CAMTA1: variants seen among roughly 807,000 people sequenced by gnomAD.
CAMTA1 encodes calmodulin-binding transcription activator 1.
CAMTA1 carries 27 observed loss-of-function variants against 170.9 expected under a neutral mutation model. The ratio of observed to expected loss-of-function variants is 0.16; its 90% CI spans 0.12 to 0.22. CAMTA1 has a LOEUF of 0.22. Among genes scored for constraint, CAMTA1 ranks in the 10% least tolerant of loss-of-function variants. CAMTA1 has a pLI of 1.00. For missense variants in CAMTA1, 1,619 were observed against 2,217.2 expected, an observed-to-expected ratio of 0.73 and a Z score of 5.42; for synonymous variants, 833 against 891.5, an observed-to-expected ratio of 0.93 and a Z score of 1.17.
rs868642403 is a variant in CAMTA1, at chr1:7,310,684, C to T, written c.438+61058C>T. On this transcript the variant is annotated intron_variant, in intron 5 of 22. Transcript: ENST00000303635. The stretch of plus-strand genomic sequence containing the variant: ...CTTTCTTTCTTTCCTTTCTTTCTCT[C>T]TCTCTCTCTCTCTCTCTCTTTCTTT... Among the ~76,000 whole-genome samples the T allele has an allele frequency of 4.3e-3, 170 of 39,126 alleles. 10 individuals carry two copies. Among genetic ancestry groups the T allele is most frequent in the African/African-American group, 0.013 (80 of 6,278 alleles). The allele number at this position is 39,126 out of a possible 152,430, so 25.7% of individuals were successfully genotyped here.
rs889875577 is a variant in CAMTA1, at chr1:6,804,176, CTTTTTTT to C, written c.46-15990_46-15984del. Among the ~76,000 whole-genome samples, 21 of 116,470 alleles carry C rather than the reference CTTTTTTT, an allele frequency of 1.8e-4. 1 individual carries two copies. The highest frequency in any genetic ancestry group is 4.5e-3 in the Middle Eastern group (1 of 224). 76.4% of individuals were successfully genotyped at this position (116,470 alleles called of 152,430 possible). On this transcript the variant is annotated intron_variant, in intron 1 of 22. Coordinates refer to ENST00000303635, the MANE Select transcript of CAMTA1 (RefSeq NM_015215.4). ...TCCAGCCTGGGAAACGAGCGAAACT[CTTTTTTT>C]TTTTTTTTTTTTTTGGTAAAGACAG...
At chr1:7,545,279 C>A (rs906419246) in intron 6 of CAMTA1, among the ~76,000 whole-genome samples, 5 of 152,130 alleles carry the variant, frequency 3.3e-5, no homozygotes, top group Admixed American at 3.3e-4. Flanking sequence ...GCCTGATGTC[C>A]CATCACCCCC....
intron 16 of CAMTA1, among the ~76,000 whole-genome samples, chr1:7,742,142 T>C (rs1352379990): frequency 2.0e-5 from 3 of 151,536 alleles, no homozygotes; most frequent in African/African-American, 7.3e-5. Context: ...CATATATATA[T>C]ACATACAGTT....
chr1:6,876,417 A>G (rs961211912), intron 3 of CAMTA1, among the ~76,000 whole-genome samples: 10 of 150,136 alleles, frequency 6.7e-5, no homozygotes, highest in African/African-American at 2.2e-4. Flanking sequence ...GCTGGAGTGC[A>G]ATGGTGTGAT....
intron 3 of CAMTA1, among the ~76,000 whole-genome samples, chr1:7,042,401 G>A (rs1255236543): frequency 6.6e-6 from 1 of 152,068 alleles, no homozygotes; most frequent in Non-Finnish European, 1.5e-5. Flanking sequence ...GATTCCAGTG[G>A]GGGGAAAGGA....
intron 5 of CAMTA1, among the ~76,000 whole-genome samples, chr1:7,406,001 G>A (rs2149230789): frequency 6.6e-6 from 1 of 152,316 alleles, no homozygotes; most frequent in Admixed American, 6.5e-5. Flanking sequence ...TCGGGCCCCG[G>A]CACTGCAGTG....
At chr1:7,465,921 GAA>G (rs1015290854) in intron 5 of CAMTA1, among the ~76,000 whole-genome samples, 1 of 152,222 alleles carries the variant, frequency 6.6e-6, no homozygotes, top group African/African-American at 2.4e-5. Context: ...GGTGAAGAGG[GAA>G]AGTCATTGCA....
chr1:7,411,439 T>C (rs1281969316), intron 5 of CAMTA1, among the ~76,000 whole-genome samples: 2 of 144,662 alleles, frequency 1.4e-5, no homozygotes, highest in African/African-American at 2.6e-5. Context: ...CTCAGGAGGC[T>C]GAGGCAGGAG....
chr1:7,256,043 C>T (rs1320851445), intron 5 of CAMTA1, among the ~76,000 whole-genome samples: 3 of 152,094 alleles, frequency 2.0e-5, no homozygotes, highest in Admixed American at 2.0e-4. Flanking sequence ...GGCTTTTCAT[C>T]ATCTGAATTT....
chr1:7,620,204 C>G (rs2095588095), intron 6 of CAMTA1, among the ~76,000 whole-genome samples: 1 of 152,188 alleles, frequency 6.6e-6, no homozygotes, highest in Non-Finnish European at 1.5e-5. Flanking sequence ...TTTTACTCCC[C>G]AAGGACATTT....
At chr1:7,073,635 G>T (rs923044348) in intron 3 of CAMTA1, among the ~76,000 whole-genome samples, 1 of 152,214 alleles carries the variant, frequency 6.6e-6, no homozygotes, top group Admixed American at 6.5e-5. Flanking sequence ...GTTTCAATGA[G>T]GAGAGAGGGT....
intron 6 of CAMTA1, among the ~76,000 whole-genome samples, chr1:7,505,634 G>A (rs1240031382): frequency 6.6e-6 from 1 of 152,156 alleles, no homozygotes; most frequent in East Asian, 1.9e-4. Flanking sequence ...TCAGGTGGGG[G>A]GACCAGGCCA....
chr1:6,940,811 G>A (rs114193593), intron 3 of CAMTA1, among the ~76,000 whole-genome samples: 1 of 100,676 alleles, frequency 9.9e-6, no homozygotes, highest in African/African-American at 3.7e-5. Flanking sequence ...CTTCCTCACC[G>A]ACACCCACCT....
chr1:7,569,021 TATTACC>T (rs1352276653), intron 6 of CAMTA1, among the ~76,000 whole-genome samples: 1 of 149,698 alleles, frequency 6.7e-6, no homozygotes, highest in Non-Finnish European at 1.5e-5. Flanking sequence ...ATCATCATAT[TATTACC>T]ATTACCATCA....
chr1:7,518,558 G>C (rs1165282772), intron 6 of CAMTA1, among the ~76,000 whole-genome samples: 1 of 152,012 alleles, frequency 6.6e-6, no homozygotes, highest in Non-Finnish European at 1.5e-5. Flanking sequence ...AGAGCGTGTT[G>C]TCGGGCCGCC....
At chr1:7,496,169 C>T (rs980637990) in intron 6 of CAMTA1, among the ~76,000 whole-genome samples, 2 of 152,204 alleles carry the variant, frequency 1.3e-5, no homozygotes, top group South Asian at 2.1e-4. Flanking sequence ...TGAGGTCAGC[C>T]TCACACAGGC....
chr1:7,390,887 G>A (rs2088628279), intron 5 of CAMTA1, among the ~76,000 whole-genome samples: 2 of 152,220 alleles, frequency 1.3e-5, no homozygotes, highest in Admixed American at 1.3e-4. Context: ...CTCTCAAGAT[G>A]GCCATTTCTA....
chr1:7,148,535 C>T (rs186251039), intron 4 of CAMTA1, among the ~76,000 whole-genome samples: 1,564 of 152,312 alleles, frequency 0.01, 17 homozygotes, highest in Middle Eastern at 0.024. Context: ...GACTTGCCAC[C>T]GGGGTGTCTT....
At chr1:7,566,569 C>G (rs530470213) in intron 6 of CAMTA1, among the ~76,000 whole-genome samples, 1 of 152,120 alleles carries the variant, frequency 6.6e-6, no homozygotes, top group Admixed American at 6.5e-5. Flanking sequence ...AGGCAGGCAG[C>G]CCCAGCTCCA....
Sources: gnomAD v4.1 joint callset for allele counts (sites outside exome capture counted in the v4.1 genomes callset) on GRCh38, gnomAD v4.1.1 for gene constraint, MANE v1.5 for transcripts, NCBI Gene and HGNC (gene_info 2026-07-23, HGNC 2026-07-21) for gene names.